MNT: variants seen among roughly 807,000 people sequenced by gnomAD.
MNT encodes the protein max-binding protein MNT.
A neutral mutation model predicts 40.7 loss-of-function variants in MNT; 13 were observed. The observed-to-expected ratio is 0.32, with a 90% CI of 0.21 to 0.51. MNT has a LOEUF of 0.51. MNT is among the 20% of genes least tolerant of loss of function. The pLI is 0.98. For missense variants in MNT, 757 were observed against 792.0 expected (o/e 0.96, Z 0.53); for synonymous variants, 426 against 354.8 (o/e 1.20, Z -2.26).
chr17:2,398,562 G>A (rs147883104), intron 1 of MNT, among the ~76,000 whole-genome samples: 1 of 152,320 alleles, frequency 6.6e-6, no homozygotes, highest in East Asian at 1.9e-4. Flanking sequence ...TGCTGGGATC[G>A]GTTCCGGACA....
In MNT at chr17:2,387,998, G is replaced by A. The variant is rs149297090; in HGVS notation, c.859C>T (p.Arg287Cys). The A allele has an allele frequency of 3.2e-6, 5 of 1,574,120 alleles. No homozygotes were observed. Among genetic ancestry groups the A allele is most frequent in the East Asian group, 2.4e-5 (1 of 42,428 alleles). ...CGCTGCTGCGTGGCAATCTTCTCAC[G>A]TGCCAGCCGCTCCATTTCATGCTCA... Reference protein sequence around the residue: ...EYEHEMERLAREKIATQQRLA... With the variant: ...EYEHEMERLACEKIATQQRLA... Residue 287 changes from arginine (R) to cysteine (C), a missense_variant, in exon 5 of 6, where the codon CGT becomes TGT. By Grantham distance (180) the Arg-to-Cys change is radical. This residue lies in a region of MNT where 73 missense variants were observed against 100.8 expected (regional missense o/e 0.72). Coordinates refer to ENST00000174618, the MANE Select transcript of MNT (RefSeq NM_020310.3).
chr17:2,399,856 G>T (rs532558558), intron 1 of MNT, among the ~76,000 whole-genome samples: 3 of 152,280 alleles, frequency 2.0e-5, no homozygotes, highest in East Asian at 3.9e-4. Flanking sequence ...ATTCCACACT[G>T]GCTAAAGCGG....
intron 5 of MNT, 21 bp from the exon 6 acceptor site, chr17:2,387,670 G>C (rs551163921): frequency 6.2e-7 from 1 of 1,613,422 alleles, no homozygotes; most frequent in African/African-American, 1.3e-5. Context: ...CATGGGGCAG[G>C]GAGCAGGTCA....
At chr17:2,398,157 G>A (rs1453480773) in intron 1 of MNT, among the ~76,000 whole-genome samples, 1 of 152,180 alleles carries the variant, frequency 6.6e-6, no homozygotes, top group African/African-American at 2.4e-5. Context: ...GGTAAGCCTT[G>A]GAGAGTTGGT....
At chr17:2,388,206 T>C in intron 4 of MNT, 157 bp from the exon 5 acceptor site, 1 of 664,964 alleles carries the variant, frequency 1.5e-6, no homozygotes, top group Non-Finnish European at 2.5e-6. Context: ...GCACCTGTTG[T>C]GGTCCATGCC....
rs1048985419 is a variant in MNT, at chr17:2,400,401, G to A, written c.73+239C>T. The A allele has an allele frequency of 3.8e-5, 16 of 426,280 alleles. 1 individual carries two copies. In the Admixed American group the frequency reaches 5.3e-4, roughly 14 times the overall value. The allele number at this position is 426,280 out of a possible 1,614,324, so 26.4% of individuals were successfully genotyped here. A position where few individuals can be genotyped will look rare whatever the true frequency, so the allele number is the denominator to read the frequency against. On this transcript the variant is annotated intron_variant, in intron 1 of 5. Transcript: ENST00000174618. ...CACAGAAGGGGCACAGGGGTGCCAC[G>A]CAGCCGGGGTGGCGCCCGCAGGAGC...
intron 1 of MNT, among the ~76,000 whole-genome samples, chr17:2,398,746 G>C (rs1419476130): frequency 6.6e-5 from 10 of 152,162 alleles, no homozygotes. Context: ...TCCGAACCTT[G>C]TGCACGGTCT....
Position 2,387,444 on chromosome 17 carries a change from C to T in MNT, c.1206G>A (p.Gln402=), listed in dbSNP as rs2066475103. Residue 402 remains glutamine (Q), a synonymous_variant, in exon 6 of 6, where the codon CAG becomes CAA. Coordinates refer to ENST00000174618, the MANE Select transcript of MNT (RefSeq NM_020310.3). ...CTGGCAGAGGGGTCTTCTGCTGTGG[C>T]TGCTGCTGCTGCACGGGGAGGTGGG... ...PPAHLPVQQQ[Q]PQQKTPLPAP... is the part of the protein sequence containing the mutation. 1 of 1,608,042 alleles carries T rather than the reference C, an allele frequency of 6.2e-7. No homozygotes were observed. Among genetic ancestry groups the T allele is most frequent in the South Asian group, 1.1e-5 (1 of 90,542 alleles).
At chr17:2,392,682 C>T (rs1235694500) in intron 4 of MNT, 2 of 152,042 alleles carry the variant, frequency 1.3e-5, no homozygotes, top group Non-Finnish European at 2.9e-5. Context: ...GAGGCCCCAC[C>T]CCGAAGCACG....
At chr17:2,391,536 T>C (rs1231576821) in intron 4 of MNT, 2 of 152,284 alleles carry the variant, frequency 1.3e-5, no homozygotes, top group Non-Finnish European at 2.9e-5. Context: ...CCCACATTGC[T>C]TCAATCTAAA....
rs2066447920 is a variant in MNT, at chr17:2,385,197, G to A, written c.*1704C>T. 1 of 152,298 alleles carries A rather than the reference G, an allele frequency of 6.6e-6. No individual in the cohort carries two copies. The highest frequency in any genetic ancestry group is 6.5e-5 in the Admixed American group (1 of 15,284). 9.4% of individuals were successfully genotyped at this position (152,298 alleles called of 1,614,324 possible). The stretch of plus-strand genomic sequence containing the variant: ...CCCTGGGAGGTGTCCAGGACCAGGA[G>A]GGAACAGGAAGGGAATTTTTAGGCA... On this transcript the variant is annotated 3_prime_UTR_variant, in exon 6 of 6. Transcript: ENST00000174618.
intron 4 of MNT, 133 bp from the exon 5 acceptor site, chr17:2,388,182 G>T: frequency 1.2e-6 from 1 of 802,328 alleles, no homozygotes; most frequent in Non-Finnish European, 1.9e-6. Context: ...GCCTGACGGG[G>T]GCTGCTGGAG....
Position 2,400,762 on chromosome 17 carries a change from A to G in MNT, c.-50T>C. 8 of 1,472,580 alleles carry G rather than the reference A, an allele frequency of 5.4e-6. No individual in the cohort carries two copies. The highest frequency in any genetic ancestry group is 7.2e-6 in the Non-Finnish European group (8 of 1,110,938). 91.2% of individuals were successfully genotyped at this position (1,472,580 alleles called of 1,614,324 possible). A position where few individuals can be genotyped will look rare whatever the true frequency, so the allele number is the denominator to read the frequency against. ...GCCGGGGCCGAGGCTGCGGCCCGCG[A>G]GCCGGGCACAGGTCAGGCTGGCGGG... On this transcript the variant is annotated 5_prime_UTR_variant, in exon 1 of 6. Transcript: ENST00000174618.
In MNT at chr17:2,400,097, C is replaced by T. The variant is rs143144778; in HGVS notation, c.73+543G>A. ...AGATCTGCCGGGAGCGCCCCCCGCA[C>T]CCTCCCCACGGGGCCAGGGAAGCCG... On this transcript the variant is annotated intron_variant, in intron 1 of 5. Transcript: ENST00000174618. Among the ~76,000 whole-genome samples, 646 of 152,190 alleles carry T rather than the reference C, an allele frequency of 4.2e-3. 4 individuals carry two copies. Among genetic ancestry groups the T allele is most frequent in the Non-Finnish European group, 5.8e-3 (393 of 67,976 alleles).
chr17:2,395,223 G>A lies in MNT; in HGVS notation c.305C>T (p.Pro102Leu). 2 of 1,484,450 alleles carry A rather than the reference G, an allele frequency of 1.3e-6. No homozygotes were observed. The highest frequency in any genetic ancestry group is 1.8e-6 in the Non-Finnish European group (2 of 1,116,990). 92.0% of individuals were successfully genotyped at this position (1,484,450 alleles called of 1,614,324 possible). The change falls in exon 2 of 6, where the codon CCC becomes CTC. Residue 102 changes from proline (P) to leucine (L), a missense_variant. Pro to Leu is a moderately conservative substitution (Grantham distance 98). Transcript: ENST00000174618. ...TGCCGCGGGCAAGGGTGGGGGTGGG[G>A]GTAGAGGCTGAGGGGAGTTGGTCAC... ...PVVTNSPQPL[P>L]PPPPLPAAAQ...
chr17:2,392,786 A>T (rs565257449), intron 4 of MNT: 26 of 151,122 alleles, frequency 1.7e-4, no homozygotes, highest in African/African-American at 6.1e-4. Flanking sequence ...CGCTGCAGCC[A>T]ATCCGCGAGC....
intron 1 of MNT, among the ~76,000 whole-genome samples, chr17:2,398,435 C>T (rs903238725): frequency 4.6e-5 from 7 of 152,174 alleles, no homozygotes; most frequent in African/African-American, 1.4e-4. Context: ...TCCTAGGTCC[C>T]GGGAAAGCGT....
chr17:2,395,509 G>A, intron 1 of MNT, 55 bp from the exon 2 acceptor site: 1 of 1,600,328 alleles, frequency 6.2e-7, no homozygotes, highest in Non-Finnish European at 8.5e-7. Flanking sequence ...CAGAACTCCA[G>A]CCCTAACTCG....
chr17:2,389,196 CGTTT>C (rs987335160), intron 4 of MNT: 34 of 152,504 alleles, frequency 2.2e-4, no homozygotes, highest in African/African-American at 8.2e-4. Context: ...GGCACCGCAC[CGTTT>C]TTTTCGAGGC....
Sources: gnomAD v4.1 joint callset for allele counts (sites outside exome capture counted in the v4.1 genomes callset) on GRCh38, gnomAD v4.1.1 for gene constraint, gnomAD v4.1.1 regional missense constraint, MANE v1.5 for transcripts, NCBI Gene and HGNC (gene_info 2026-07-23, HGNC 2026-07-21) for gene names.